Variants in C14orf39 observed in about 807,000 individuals in gnomAD.
C14orf39 encodes the protein protein SIX6OS1.
A neutral mutation model predicts 85.6 loss-of-function variants in C14orf39; 66 were observed. The ratio of observed to expected loss-of-function variants is 0.77; its 90% CI spans 0.63 to 0.95. C14orf39 has a LOEUF of 0.95. Ranked by LOEUF, C14orf39 falls within the 40% of genes least tolerant of loss-of-function variation. C14orf39 has a pLI of 0.00. For missense variants in C14orf39, 735 were observed against 663.9 expected (o/e 1.11, Z -1.18); for synonymous variants, 242 against 214.0 (o/e 1.13, Z -1.14).
At chr14:60,511,717 T>TG in intron 1 of C14orf39, 1 of 238,684 alleles carries the variant, frequency 4.2e-6, no homozygotes, top group South Asian at 5.8e-5. Context: ...TTGGGGAACT[T>TG]GCTGTTTCTA....
chr14:60,468,293 T>C (rs1039108410), intron 9 of C14orf39, 152 bp downstream of exon 9: 1 of 375,116 alleles, frequency 2.7e-6, no homozygotes, highest in African/African-American at 2.3e-5. Flanking sequence ...TATTTAATAA[T>C]ATTTTTCATA....
At chr14:60,451,968 G>C (rs1891056501) in intron 16 of C14orf39, among the ~76,000 whole-genome samples, 1 of 151,084 alleles carries the variant, frequency 6.6e-6, no homozygotes, top group East Asian at 1.9e-4. Flanking sequence ...AGATAACGAG[G>C]TCAGGAGATC....
At chr14:60,438,870 G>T (rs1890381187) in intron 17 of C14orf39, among the ~76,000 whole-genome samples, 5 of 152,116 alleles carry the variant, frequency 3.3e-5, no homozygotes, top group Admixed American at 3.3e-4. Flanking sequence ...CAAAGCACAG[G>T]TTACCCTTAT....
At chr14:60,513,994 A>G (rs1420417602) in intron 1 of C14orf39, among the ~76,000 whole-genome samples, 1 of 152,234 alleles carries the variant, frequency 6.6e-6, no homozygotes, top group Non-Finnish European at 1.5e-5. Context: ...ATTTCACTTT[A>G]GAATCTTAAG....
intron 5 of C14orf39, among the ~76,000 whole-genome samples, chr14:60,477,723 TA>T (rs1405693484): frequency 6.6e-6 from 1 of 152,180 alleles, no homozygotes; most frequent in Non-Finnish European, 1.5e-5. Flanking sequence ...AGTTCACTCA[TA>T]AAGACCATTA....
At chr14:60,509,395 C>G (rs777452636) in intron 1 of C14orf39, 13 of 1,599,258 alleles carry the variant, frequency 8.1e-6, no homozygotes, top group Middle Eastern at 3.3e-4. Context: ...CCGGCACTGC[C>G]TCGATGTTCC....
At chr14:60,510,243 GA>G (rs1007891844) in intron 1 of C14orf39, among the ~76,000 whole-genome samples, 13 of 152,146 alleles carry the variant, frequency 8.5e-5, no homozygotes, top group African/African-American at 3.1e-4. Context: ...GAGAGGGGAA[GA>G]GAAATAAAAA....
At chr14:60,496,965 C>T (rs908594026) in intron 2 of C14orf39, 1 of 152,288 alleles carries the variant, frequency 6.6e-6, no homozygotes, top group Admixed American at 6.5e-5. Context: ...AAGTTAGCTT[C>T]CTTCAGCTGG....
intron 15 of C14orf39, among the ~76,000 whole-genome samples, chr14:60,455,526 T>C (rs538100270): frequency 1.1e-4 from 17 of 152,236 alleles, no homozygotes; most frequent in African/African-American, 4.1e-4. Context: ...CTTGACACTA[T>C]ACTGTCTTCA....
chr14:60,444,195 G>A (rs970757579), intron 16 of C14orf39, among the ~76,000 whole-genome samples: 2 of 152,194 alleles, frequency 1.3e-5, no homozygotes, highest in African/African-American at 4.8e-5. Context: ...GACAGAAAAT[G>A]ACTTTGACGA....
At position 60,436,698 on chromosome 14, in the gene C14orf39, C is replaced by T; in HGVS notation, c.*147G>A. The T allele has an allele frequency of 1.8e-6, 1 of 550,766 alleles. No homozygotes were observed. Among genetic ancestry groups the T allele is most frequent in the Non-Finnish European group, 3.1e-6 (1 of 326,648 alleles). The allele number at this position is 550,766 out of a possible 1,614,324, so 34.1% of individuals were successfully genotyped here. A position where few individuals can be genotyped will look rare whatever the true frequency, so the allele number is the denominator to read the frequency against. Reference sequence around the variant, plus strand: ...ACAAAACCCAAAATATTCAGTATTTCAATATTTCAATAAATATAATCAAAT... The same window carrying T: ...ACAAAACCCAAAATATTCAGTATTTTAATATTTCAATAAATATAATCAAAT... On this transcript the variant is annotated 3_prime_UTR_variant, in exon 18 of 18. Coordinates refer to ENST00000321731, the MANE Select transcript of C14orf39 (RefSeq NM_174978.3).
intron 4 of C14orf39, among the ~76,000 whole-genome samples, chr14:60,479,258 T>A (rs1892531071): frequency 6.6e-6 from 1 of 152,194 alleles, no homozygotes; most frequent in Non-Finnish European, 1.5e-5. Context: ...CTTAAATATA[T>A]CTGAATTTCT....
At chr14:60,473,392 G>C (rs1007772993) in intron 5 of C14orf39, among the ~76,000 whole-genome samples, 30 of 152,152 alleles carry the variant, frequency 2.0e-4, no homozygotes, top group African/African-American at 2.7e-4. Flanking sequence ...TTGCTGTGCA[G>C]AAGCTCTTTA....
At chr14:60,450,758 G>A (rs1116853) in intron 16 of C14orf39, among the ~76,000 whole-genome samples, 19,477 of 152,132 alleles carry the variant, frequency 0.13, 1,740 homozygotes, top group South Asian at 0.26. Flanking sequence ...AGTCCTAGTC[G>A]AGATGGCCAC....
chr14:60,472,343 C>T (rs972694443), intron 5 of C14orf39, among the ~76,000 whole-genome samples: 1 of 152,046 alleles, frequency 6.6e-6, no homozygotes, highest in Admixed American at 6.6e-5. Context: ...GGATGGTCAT[C>T]TATTTAGGCA....
chr14:60,499,307 A>C (rs1318246356), exon 2 of C14orf39: 1 of 152,214 alleles, frequency 6.6e-6, no homozygotes, highest in East Asian at 1.9e-4. Context: ...AGATATTAAA[A>C]TGTACTTCAA....
intron 5 of C14orf39, among the ~76,000 whole-genome samples, chr14:60,474,731 T>C (rs2140134971): frequency 1.3e-5 from 2 of 152,164 alleles, no homozygotes; most frequent in Admixed American, 1.3e-4. Context: ...TGAACCAGCC[T>C]TGCATCCCAG....
chr14:60,470,083 C>T (rs1892004564), intron 7 of C14orf39, among the ~76,000 whole-genome samples: 1 of 151,662 alleles, frequency 6.6e-6, no homozygotes, highest in South Asian at 2.1e-4. Context: ...TTCAAGCCAA[C>T]AACAGTATGC....
intron 1 of C14orf39, among the ~76,000 whole-genome samples, chr14:60,506,303 G>T (rs1305948708): frequency 6.6e-6 from 1 of 152,194 alleles, no homozygotes; most frequent in East Asian, 1.9e-4. Context: ...GTGAGGGGTT[G>T]CCTGGAGGGT....
Sources: gnomAD v4.1 joint callset for allele counts (sites outside exome capture counted in the v4.1 genomes callset) on GRCh38, gnomAD v4.1.1 for gene constraint, MANE v1.5 for transcripts, NCBI Gene and HGNC (gene_info 2026-07-23, HGNC 2026-07-21) for gene names.